GALM: variants seen among roughly 807,000 people sequenced by gnomAD.
The protein encoded by GALM is aldose 1-epimerase.
In GALM, 43 loss-of-function variants were observed where a neutral mutation model predicts 37.4. That is an observed-to-expected ratio of 1.15 (90% CI 0.90 to 1.48). The LOEUF (loss-of-function observed/expected upper bound fraction) is 1.48. Among genes scored for constraint, GALM ranks in the 40% most tolerant of loss-of-function variants. The pLI, the probability that GALM is intolerant of heterozygous loss-of-function variation, is 0.00. For missense variants in GALM, 456 were observed against 419.1 expected (o/e 1.09, Z -0.77); for synonymous variants, 199 against 170.6 (o/e 1.17, Z -1.30).
At chr2:38,706,511 C>CA (rs1219516280) in intron 4 of GALM, among the ~76,000 whole-genome samples, 9,455 of 68,450 alleles carry the variant, frequency 0.14, 493 homozygotes, top group Middle Eastern at 0.22. Context: ...CCCATCTCTA[C>CA]AAAAAAAAAA....
Position 38,694,910 on chromosome 2 carries a change from AAAC to A in GALM, c.634+5019_634+5021del, listed in dbSNP as rs1192090560. 4.7e-4 allele frequency among the ~76,000 whole-genome samples: 71 copies of A among 150,996 alleles called. 1 individual carries two copies. The highest frequency in any genetic ancestry group is 1.7e-3 in the African/African-American group (68 of 41,092). ...AGACTCCGTCTCAAAAAAAAAAAAA[AAAC>A]AAAAAAAGAAAGGGAAAGTCAAGGG... On this transcript the variant is annotated intron_variant, in intron 4 of 6. Transcript: ENST00000272252.
intron 3 of GALM, among the ~76,000 whole-genome samples, chr2:38,684,444 G>A (rs1370978091): frequency 6.6e-6 from 1 of 152,086 alleles, no homozygotes; most frequent in Non-Finnish European, 1.5e-5. Flanking sequence ...AGGCCAAGGT[G>A]GGAGCATCAC....
At chr2:38,686,220 ATTTCTTTCTTTCTTTC>A (rs200050911) in intron 3 of GALM, among the ~76,000 whole-genome samples, 4,914 of 93,578 alleles carry the variant, frequency 0.053, 194 homozygotes, top group Non-Finnish European at 0.069. Context: ...GAAAGTGGAA[ATTTCTTTCTTTCTTTC>A]TTTCTTTCTT....
At chr2:38,675,857 C>A in intron 1 of GALM, 55 bp from the exon 2 acceptor site, 7 of 1,575,704 alleles carry the variant, frequency 4.4e-6, no homozygotes, top group Non-Finnish European at 6.1e-6. Flanking sequence ...GTGTGAGCCA[C>A]CGTGCCCAGC....
intron 4 of GALM, among the ~76,000 whole-genome samples, chr2:38,724,610 T>C (rs1448933898): frequency 1.3e-5 from 2 of 152,182 alleles, no homozygotes; most frequent in Non-Finnish European, 2.9e-5. Flanking sequence ...CAAGATAGAT[T>C]GGAGCCTTCA....
chr2:38,669,719 A>C (rs535251722), intron 1 of GALM, among the ~76,000 whole-genome samples: 32 of 152,096 alleles, frequency 2.1e-4, no homozygotes, highest in African/African-American at 7.7e-4. Context: ...CTAAAAATAC[A>C]AAAATTAGCT....
chr2:38,677,520 C>A (rs2043008422), intron 2 of GALM, among the ~76,000 whole-genome samples: 2 of 152,150 alleles, frequency 1.3e-5, no homozygotes, highest in African/African-American at 2.4e-5. Flanking sequence ...CTAGAACATG[C>A]CAGGATCATG....
At chr2:38,718,133 A>C (rs1032486751) in intron 4 of GALM, among the ~76,000 whole-genome samples, 9 of 150,742 alleles carry the variant, frequency 6.0e-5, no homozygotes, top group African/African-American at 2.2e-4. Flanking sequence ...CACTGCCCCC[A>C]GCCAGAAGAC....
At chr2:38,731,994 G>A (rs1666618935) in intron 6 of GALM, 85 bp downstream of exon 6, 1 of 1,110,468 alleles carries the variant, frequency 9.0e-7, no homozygotes, top group Middle Eastern at 2.7e-4. Flanking sequence ...GAATCAGCTT[G>A]TATGATTCAA....
intron 4 of GALM, among the ~76,000 whole-genome samples, chr2:38,713,477 G>A (rs551547308): frequency 6.6e-6 from 1 of 152,268 alleles, no homozygotes; most frequent in Non-Finnish European, 1.5e-5. Flanking sequence ...GGGCAGGCAG[G>A]GGAGCTCCAG....
intron 3 of GALM, among the ~76,000 whole-genome samples, chr2:38,684,937 G>A (rs944258175): frequency 3.3e-5 from 5 of 152,146 alleles, no homozygotes; most frequent in African/African-American, 1.2e-4. Flanking sequence ...ATGTCATTAA[G>A]GACCCAGGTT....
chr2:38,682,899 A>T (rs1665431958), intron 3 of GALM, among the ~76,000 whole-genome samples: 2 of 117,376 alleles, frequency 1.7e-5, no homozygotes, highest in South Asian at 6.9e-4. Context: ...TCCGTCTTTA[A>T]AAAAAAAAAA....
intron 5 of GALM, among the ~76,000 whole-genome samples, chr2:38,730,930 A>T (rs1666595863): frequency 1.3e-5 from 2 of 150,236 alleles, no homozygotes; most frequent in Non-Finnish European, 3.0e-5. Context: ...CAAAAAAAAA[A>T]AAAGAATCTC....
chr2:38,672,682 T>C (rs1665140291), intron 1 of GALM, among the ~76,000 whole-genome samples: 1 of 152,106 alleles, frequency 6.6e-6, no homozygotes, highest in Non-Finnish European at 1.5e-5. Context: ...ATTGGGATAG[T>C]AATAGTGTCT....
Position 38,731,717 on chromosome 2 carries a change from G to T in GALM, c.777-18G>T. On this transcript the variant is annotated intron_variant, in intron 5 of 6. Coordinates refer to ENST00000272252, the MANE Select transcript of GALM (RefSeq NM_138801.3). ...TGCTTTTCTGCCCTGGACTCATGTT[G>T]TTTGTATTTCTTACCAGGGTGCATC... The T allele has an allele frequency of 2.5e-6, 4 of 1,608,570 alleles. No individual in the cohort carries two copies. The highest frequency in any genetic ancestry group is 3.4e-6 in the Non-Finnish European group (4 of 1,175,862).
chr2:38,726,650 C>T (rs908859622), intron 4 of GALM, among the ~76,000 whole-genome samples: 2 of 152,066 alleles, frequency 1.3e-5, no homozygotes, highest in Admixed American at 6.6e-5. Flanking sequence ...TGGCTCCTGC[C>T]TATAATCCCA....
intron 4 of GALM, among the ~76,000 whole-genome samples, chr2:38,708,914 C>T (rs1666097554): frequency 6.6e-6 from 1 of 152,076 alleles, no homozygotes; most frequent in Non-Finnish European, 1.5e-5. Context: ...CCAGGGAAGG[C>T]TTGAGACCGT....
intron 4 of GALM, among the ~76,000 whole-genome samples, chr2:38,702,942 A>ATG (rs1244199242): frequency 7.1e-6 from 1 of 140,830 alleles, no homozygotes; most frequent in Non-Finnish European, 1.5e-5. Flanking sequence ...TTATATATAT[A>ATG]TATATATAAT....
intron 3 of GALM, among the ~76,000 whole-genome samples, chr2:38,682,757 A>G (rs561782968): frequency 6.6e-6 from 1 of 152,222 alleles, no homozygotes. Flanking sequence ...TAAGCTGGGC[A>G]TGGTAGCGTG....
Sources: allele counts gnomAD v4.1 joint callset (sites outside exome capture counted in the v4.1 genomes callset), GRCh38; gene constraint gnomAD v4.1.1; transcripts MANE v1.5; gene names NCBI Gene and HGNC (gene_info 2026-07-23, HGNC 2026-07-21).